Variants in NRXN1 observed in about 807,000 individuals in gnomAD.
NRXN1 encodes neurexin-1.
NRXN1 carries 39 observed loss-of-function variants against 150.9 expected under a neutral mutation model. The ratio of observed to expected loss-of-function variants is 0.26; its 90% confidence interval spans 0.20 to 0.34. NRXN1 has a LOEUF of 0.34. NRXN1 is among the 10% of genes least tolerant of loss of function. The probability of loss-of-function intolerance (pLI) is 1.00; values close to 1 mark genes in which losing one functional copy is unlikely to be tolerated. For synonymous variants in NRXN1, 924 were observed against 757.0 expected (o/e 1.22, Z -3.62); for missense variants, 1,815 against 1,949.9 (o/e 0.93, Z 1.30).
chr2:50,166,878 CT>C (rs2059720194), intron 18 of NRXN1, among the ~76,000 whole-genome samples: 1 of 152,024 alleles, frequency 6.6e-6, no homozygotes, highest in African/African-American at 2.4e-5. Flanking sequence ...ATAAGCACCC[CT>C]GGTGATGTTT....
chr2:50,141,664 C>T (rs1235360271), intron 18 of NRXN1, among the ~76,000 whole-genome samples: 1 of 151,926 alleles, frequency 6.6e-6, no homozygotes, highest in African/African-American at 2.4e-5. Context: ...AAGACATTTA[C>T]TTAAAGAAGA....
At chr2:50,800,664 C>T (rs1393220125) in intron 5 of NRXN1, among the ~76,000 whole-genome samples, 1 of 152,152 alleles carries the variant, frequency 6.6e-6, no homozygotes, top group Non-Finnish European at 1.5e-5. Context: ...ATTCTCCTGC[C>T]TCAGCCTCCT....
intron 2 of NRXN1, among the ~76,000 whole-genome samples, chr2:50,943,460 C>G (rs1255222166): frequency 6.6e-6 from 1 of 152,168 alleles, no homozygotes; most frequent in East Asian, 1.9e-4. Context: ...ACAAGACATA[C>G]TTTCTAAGAA....
chr2:50,801,352 T>C (rs1349609203), intron 5 of NRXN1, among the ~76,000 whole-genome samples: 3 of 152,158 alleles, frequency 2.0e-5, no homozygotes, highest in Non-Finnish European at 4.4e-5. Flanking sequence ...TATCTGATGA[T>C]TATGTCAATC....
At chr2:50,546,837 A>T (rs1253033214) in intron 9 of NRXN1, among the ~76,000 whole-genome samples, 1 of 152,168 alleles carries the variant, frequency 6.6e-6, no homozygotes, top group East Asian at 1.9e-4. Context: ...CAAAATATAA[A>T]TGCACTTAAA....
intron 5 of NRXN1, among the ~76,000 whole-genome samples, chr2:50,758,929 G>A (rs1218992039): frequency 1.3e-5 from 2 of 151,782 alleles, no homozygotes; most frequent in Admixed American, 1.3e-4. Context: ...GGTAATTCAA[G>A]TTTTTATCCC....
chr2:50,378,112 A>T (rs1238508481), intron 17 of NRXN1, among the ~76,000 whole-genome samples: 1 of 152,156 alleles, frequency 6.6e-6, no homozygotes, highest in Non-Finnish European at 1.5e-5. Context: ...GTTAGTCAGT[A>T]TATGGTAAGC....
chr2:50,440,077 A>G (rs1444656303), intron 17 of NRXN1, among the ~76,000 whole-genome samples: 1 of 152,178 alleles, frequency 6.6e-6, no homozygotes, highest in Middle Eastern at 3.2e-3. Context: ...GGACACTTCA[A>G]CTCATCCTCA....
At chr2:50,850,992 A>G (rs527501587) in intron 5 of NRXN1, among the ~76,000 whole-genome samples, 56 of 152,358 alleles carry the variant, frequency 3.7e-4, no homozygotes, top group Non-Finnish European at 3.2e-4. Flanking sequence ...ACCAGTTTTA[A>G]TAGCCATCAC....
chr2:50,992,099 CAGAA>C (rs879911821), intron 2 of NRXN1, among the ~76,000 whole-genome samples: 7 of 151,916 alleles, frequency 4.6e-5, no homozygotes, highest in Non-Finnish European at 8.8e-5. Flanking sequence ...AATTCAGAGA[CAGAA>C]AGAGAGAGAG....
intron 21 of NRXN1, among the ~76,000 whole-genome samples, chr2:49,998,687 T>C (rs1459464883): frequency 6.6e-6 from 1 of 152,180 alleles, no homozygotes; most frequent in Non-Finnish European, 1.5e-5. Context: ...AAAAATAATG[T>C]CATGGCTTTC....
intron 5 of NRXN1, among the ~76,000 whole-genome samples, chr2:50,880,185 G>GA (rs945754575): frequency 2.6e-5 from 4 of 151,606 alleles, no homozygotes; most frequent in African/African-American, 7.3e-5. Context: ...ATCCCCAAGA[G>GA]AAAAAAAGAT....
intron 5 of NRXN1, among the ~76,000 whole-genome samples, chr2:50,740,006 T>C (rs776867736): frequency 6.6e-6 from 1 of 152,216 alleles, no homozygotes; most frequent in Non-Finnish European, 1.5e-5. Flanking sequence ...CCTTAGCCTT[T>C]ATATCACTTC....
At chr2:50,623,289 ACT>A in intron 6 of NRXN1, 23 bp downstream of exon 6, 1 of 1,588,742 alleles carries the variant, frequency 6.3e-7, no homozygotes, top group South Asian at 1.1e-5. Context: ...AAAGCCAGTT[ACT>A]CTCTTATCCA....
intron 2 of NRXN1, among the ~76,000 whole-genome samples, chr2:50,937,428 T>C (rs571417438): frequency 3.3e-5 from 5 of 152,124 alleles, no homozygotes; most frequent in South Asian, 2.1e-4. Context: ...GGAATGAGTA[T>C]GTTTCTTTTA....
At chr2:50,434,122 G>C (rs368843428) in intron 17 of NRXN1, among the ~76,000 whole-genome samples, 1 of 137,484 alleles carries the variant, frequency 7.3e-6, no homozygotes, top group Admixed American at 8.0e-5. Flanking sequence ...AATGGCTGGC[G>C]CATCTCCGCT....
At chr2:50,589,235 A>G (rs952091101) in intron 8 of NRXN1, 1 of 152,418 alleles carries the variant, frequency 6.6e-6, no homozygotes, top group African/African-American at 2.4e-5. Flanking sequence ...TCAGACAAAG[A>G]GGGGTGTTTG....
chr2:49,987,146 A>G (rs1484776134), intron 21 of NRXN1, among the ~76,000 whole-genome samples: 1 of 152,158 alleles, frequency 6.6e-6, no homozygotes, highest in Non-Finnish European at 1.5e-5. Context: ...GTAATTTTGT[A>G]TCTGTTAGCC....
intron 8 of NRXN1, among the ~76,000 whole-genome samples, chr2:50,608,080 C>G (rs567646871): frequency 2.2e-4 from 34 of 152,116 alleles, no homozygotes; most frequent in African/African-American, 7.2e-4. Flanking sequence ...GATCTTGACA[C>G]CGAGATGCTG....
Sources: gnomAD v4.1 joint callset for allele counts (sites outside exome capture counted in the v4.1 genomes callset) on GRCh38, gnomAD v4.1.1 for gene constraint, MANE v1.5 for transcripts, NCBI Gene and HGNC (gene_info 2026-07-23, HGNC 2026-07-21) for gene names.